KCND2: variants seen among roughly 807,000 people sequenced by gnomAD.
The protein encoded by KCND2 is potassium voltage-gated channel subfamily D member 2.
Under a neutral mutation model 54.4 loss-of-function variants are expected in KCND2, and 16 were observed. The ratio of observed to expected loss-of-function variants is 0.29; its 90% CI spans 0.20 to 0.45. The LOEUF is 0.45. KCND2 is among the 20% of genes least tolerant of loss of function. KCND2 has a pLI of 1.00. For synonymous variants in KCND2, 317 were observed against 310.7 expected (o/e 1.02, Z -0.21); for missense variants, 486 against 824.2 (o/e 0.59, Z 5.02).
At chr7:120,322,581 T>C (rs1383383113) in intron 1 of KCND2, among the ~76,000 whole-genome samples, 3 of 152,300 alleles carry the variant, frequency 2.0e-5, no homozygotes, top group Middle Eastern at 3.4e-3. Context: ...GTAGCTTGCA[T>C]AATGAGATGT....
At chr7:120,395,152 A>G (rs117313797) in intron 1 of KCND2, among the ~76,000 whole-genome samples, 1 of 152,186 alleles carries the variant, frequency 6.6e-6, no homozygotes, top group Non-Finnish European at 1.5e-5. Context: ...TTCTTCAATA[A>G]CATAACTGTT....
At chr7:120,584,007 G>A (rs1314705834) in intron 1 of KCND2, among the ~76,000 whole-genome samples, 1 of 152,216 alleles carries the variant, frequency 6.6e-6, no homozygotes, top group Non-Finnish European at 1.5e-5. Context: ...CCATTTCAGT[G>A]AAGAAAAGGA....
intron 1 of KCND2, among the ~76,000 whole-genome samples, chr7:120,614,169 C>T (rs377246482): frequency 2.0e-5 from 3 of 152,052 alleles, no homozygotes; most frequent in Non-Finnish European, 4.4e-5. Flanking sequence ...CCCGCCACCA[C>T]GCCCAGCTAC....
chr7:120,294,376 C>T (rs1201166092), intron 1 of KCND2, among the ~76,000 whole-genome samples: 1 of 151,734 alleles, frequency 6.6e-6, no homozygotes, highest in African/African-American at 2.4e-5. Context: ...ATATATTTAT[C>T]GAGTATGAAA....
At chr7:120,617,455 C>T (rs950501115) in intron 1 of KCND2, among the ~76,000 whole-genome samples, 5 of 152,094 alleles carry the variant, frequency 3.3e-5, no homozygotes, top group Admixed American at 2.0e-4. Context: ...TATTTCACAC[C>T]AGTCAGAAGG....
intron 1 of KCND2, among the ~76,000 whole-genome samples, chr7:120,632,395 G>A (rs1793244613): frequency 6.6e-6 from 1 of 152,134 alleles, no homozygotes; most frequent in African/African-American, 2.4e-5. Context: ...CAAAGCCAGA[G>A]ACAACAATCT....
intron 1 of KCND2, among the ~76,000 whole-genome samples, chr7:120,625,315 C>T (rs982900740): frequency 6.6e-6 from 1 of 152,196 alleles, no homozygotes; most frequent in Admixed American, 6.5e-5. Flanking sequence ...TCATTAAAGA[C>T]ATTGCATGCA....
At chr7:120,646,227 G>A (rs1356205930) in intron 1 of KCND2, among the ~76,000 whole-genome samples, 1 of 152,120 alleles carries the variant, frequency 6.6e-6, no homozygotes, top group Non-Finnish European at 1.5e-5. Context: ...GCAATGAAGA[G>A]AAATTTGAAA....
chr7:120,401,209 C>T (rs1323070222), intron 1 of KCND2, among the ~76,000 whole-genome samples: 1 of 152,104 alleles, frequency 6.6e-6, no homozygotes, highest in Non-Finnish European at 1.5e-5. Context: ...AGCACGGTAG[C>T]ATCTCAAGAT....
At position 120,750,033 on chromosome 7, in the gene KCND2, A is replaced by G. The variant is rs906902106; in HGVS notation, c.*2175A>G. The G allele has an allele frequency of 8.6e-5, 13 of 151,926 alleles. No homozygotes were observed. Among genetic ancestry groups the G allele is most frequent in the Non-Finnish European group, 7.4e-5 (5 of 67,848 alleles). 9.4% of individuals were successfully genotyped at this position (151,926 alleles called of 1,614,324 possible). A position where few individuals can be genotyped will look rare whatever the true frequency, so the allele number is the denominator to read the frequency against. On this transcript the variant is annotated 3_prime_UTR_variant, in exon 6 of 6. Transcript: ENST00000331113. ...TCTTTTGATTTATCACTTACCCAAA[A>G]TTATTAATTTTATTAGGCTTTTGGA...
intron 1 of KCND2, among the ~76,000 whole-genome samples, chr7:120,454,617 C>G (rs1802167422): frequency 6.6e-6 from 1 of 151,808 alleles, no homozygotes; most frequent in Admixed American, 6.6e-5. Context: ...CAAATTCTAT[C>G]AGATATATAA....
rs74565914 is a variant in KCND2, at chr7:120,565,208, G to A, written c.1116-167695G>A. 9.3e-3 allele frequency among the ~76,000 whole-genome samples: 1,414 copies of A among 152,274 alleles called. 15 individuals carry two copies. The highest frequency in any genetic ancestry group is 0.031 in the African/African-American group (1,300 of 41,544). On this transcript the variant is annotated intron_variant, in intron 1 of 5. Transcript: ENST00000331113. Reference sequence around the variant, plus strand: ...AAAGGCACATGAGAAGAGCTGTTCTGCCATGCTTTTCTGTGACCTTAGGCA... The same window carrying A: ...AAAGGCACATGAGAAGAGCTGTTCTACCATGCTTTTCTGTGACCTTAGGCA...
In KCND2 at chr7:120,288,186, G is replaced by A. The variant is rs138479440; in HGVS notation, c.1115+12439G>A. ...GCAGAAGATAATCGACCAATTGGTT[G>A]TAATAAAAGTAAAGAAAATGGAATT... On this transcript the variant is annotated intron_variant, in intron 1 of 5. Transcript: ENST00000331113. 1.3e-4 allele frequency among the ~76,000 whole-genome samples: 20 copies of A among 152,130 alleles called. No homozygotes were observed. The East Asian group carries it at 2.3e-3, about 18-fold the overall frequency.
At chr7:120,701,731 G>A (rs1214328585) in intron 1 of KCND2, among the ~76,000 whole-genome samples, 1 of 152,132 alleles carries the variant, frequency 6.6e-6, no homozygotes, top group African/African-American at 2.4e-5. Flanking sequence ...ATGGTGTTGG[G>A]AAAAGTGGCT....
chr7:120,504,635 C>T (rs2116321804), intron 1 of KCND2, among the ~76,000 whole-genome samples: 1 of 151,888 alleles, frequency 6.6e-6, no homozygotes, highest in Admixed American at 6.6e-5. Flanking sequence ...ATACTAAAGA[C>T]CATGTGGTAC....
At chr7:120,349,327 A>AAC (rs145626165) in intron 1 of KCND2, among the ~76,000 whole-genome samples, 21,103 of 143,678 alleles carry the variant, frequency 0.15, 3,245 homozygotes, top group African/African-American at 0.41. Flanking sequence ...CACACACACA[A>AAC]ACACACACAC....
intron 1 of KCND2, among the ~76,000 whole-genome samples, chr7:120,528,582 C>T (rs1385032036): frequency 6.6e-6 from 1 of 151,978 alleles, no homozygotes; most frequent in Non-Finnish European, 1.5e-5. Context: ...TCAGAGTAAC[C>T]AGCAACTTTT....
At chr7:120,329,305 T>C (rs182505035) in intron 1 of KCND2, among the ~76,000 whole-genome samples, 122 of 152,120 alleles carry the variant, frequency 8.0e-4, no homozygotes, top group African/African-American at 2.9e-3. Flanking sequence ...GTATTTTTAG[T>C]AGAGACAGGG....
chr7:120,338,197 C>T (rs1055445138), intron 1 of KCND2, among the ~76,000 whole-genome samples: 16 of 151,978 alleles, frequency 1.1e-4, no homozygotes, highest in Admixed American at 6.6e-4. Flanking sequence ...TAGTGTGGTA[C>T]GCTAATCACA....
Sources: gnomAD v4.1 joint callset for allele counts (sites outside exome capture counted in the v4.1 genomes callset) on GRCh38, gnomAD v4.1.1 for gene constraint, MANE v1.5 for transcripts, NCBI Gene and HGNC (gene_info 2026-07-23, HGNC 2026-07-21) for gene names.